SLC9A9: variants seen among roughly 807,000 people sequenced by gnomAD.
SLC9A9 encodes solute carrier family 9 member A9.
A neutral mutation model predicts 77.8 loss-of-function variants in SLC9A9; 62 were observed. The ratio of observed to expected loss-of-function variants is 0.80; its 90% CI spans 0.65 to 0.98. The LOEUF (loss-of-function observed/expected upper bound fraction) is 0.98, where lower values mean the gene tolerates loss of function less well. SLC9A9 is among the 50% of genes least tolerant of loss of function. SLC9A9 has a pLI of 0.00. For synonymous variants in SLC9A9, 320 were observed against 283.5 expected (o/e 1.13, Z -1.29); for missense variants, 775 against 774.9 (o/e 1.00, Z 0.00).
intron 6 of SLC9A9, among the ~76,000 whole-genome samples, chr3:143,592,777 G>A (rs147558415): frequency 1.3e-5 from 2 of 152,240 alleles, no homozygotes; most frequent in African/African-American, 4.8e-5. Context: ...CACCATCCCT[G>A]CCACCATCAC....
chr3:143,387,192 A>T (rs1251612094), intron 12 of SLC9A9, among the ~76,000 whole-genome samples: 1 of 152,176 alleles, frequency 6.6e-6, no homozygotes, highest in Non-Finnish European at 1.5e-5. Context: ...GTAATAAGGC[A>T]ACAAAGAAGG....
chr3:143,693,955 G>A (rs1158012134), intron 4 of SLC9A9, among the ~76,000 whole-genome samples: 1 of 152,084 alleles, frequency 6.6e-6, no homozygotes, highest in African/African-American at 2.4e-5. Context: ...CCACACCATG[G>A]CATGCAAATT....
chr3:143,833,993 T>C (rs1213011349), intron 1 of SLC9A9, among the ~76,000 whole-genome samples: 1 of 152,208 alleles, frequency 6.6e-6, no homozygotes, highest in African/African-American at 2.4e-5. Flanking sequence ...CCAATGGTAA[T>C]GTAGAACTAT....
chr3:143,602,389 CTTAAGATGTTCTCTCCAG>C (rs2037859757), intron 6 of SLC9A9, among the ~76,000 whole-genome samples: 1 of 152,318 alleles, frequency 6.6e-6, no homozygotes, highest in East Asian at 1.9e-4. Flanking sequence ...ACGTCCACCT[CTTAAGATGTTCTCTCCAG>C]TGAGGAAGGC....
chr3:143,323,464 G>A (rs748897621), intron 14 of SLC9A9, among the ~76,000 whole-genome samples: 4 of 152,166 alleles, frequency 2.6e-5, no homozygotes, highest in Non-Finnish European at 5.9e-5. Context: ...GAATAAGCCA[G>A]CCACAGAAAG....
At chr3:143,751,344 A>G (rs2006710081) in intron 4 of SLC9A9, among the ~76,000 whole-genome samples, 1 of 152,160 alleles carries the variant, frequency 6.6e-6, no homozygotes, top group Admixed American at 6.5e-5. Context: ...CCCTTTGAAG[A>G]TGTAGAATTT....
chr3:143,293,033 G>A (rs1435571911), intron 14 of SLC9A9, among the ~76,000 whole-genome samples: 1 of 152,220 alleles, frequency 6.6e-6, no homozygotes, highest in African/African-American at 2.4e-5. Flanking sequence ...ATTAGAGCAT[G>A]TGTAGGTATA....
chr3:143,705,763 CTT>C (rs972258179), intron 4 of SLC9A9, among the ~76,000 whole-genome samples: 3 of 152,104 alleles, frequency 2.0e-5, no homozygotes, highest in African/African-American at 7.2e-5. Flanking sequence ...TGAAGGATGA[CTT>C]TGTTTTACAG....
chr3:143,318,692 C>T (rs1017557869), intron 14 of SLC9A9, among the ~76,000 whole-genome samples: 1 of 152,156 alleles, frequency 6.6e-6, no homozygotes, highest in East Asian at 1.9e-4. Context: ...AGTGGCCATT[C>T]CTGGGCCTTT....
chr3:143,702,119 G>A (rs943555104), intron 4 of SLC9A9, among the ~76,000 whole-genome samples: 1 of 152,114 alleles, frequency 6.6e-6, no homozygotes, highest in Non-Finnish European at 1.5e-5. Flanking sequence ...ACAAACAAAA[G>A]CTGAAAAATT....
chr3:143,823,614 C>A (rs530363769), intron 2 of SLC9A9, among the ~76,000 whole-genome samples: 28 of 150,842 alleles, frequency 1.9e-4, no homozygotes, highest in Admixed American at 5.3e-4. Flanking sequence ...TTTTATGTAA[C>A]CCATAAATAT....
intron 6 of SLC9A9, among the ~76,000 whole-genome samples, chr3:143,592,873 T>C (rs1293810235): frequency 2.0e-5 from 3 of 152,140 alleles, no homozygotes; most frequent in African/African-American, 7.2e-5. Flanking sequence ...TGGCTAGATC[T>C]TCAAAAGATC....
At chr3:143,623,815 T>C (rs1490928569) in intron 6 of SLC9A9, among the ~76,000 whole-genome samples, 1 of 151,944 alleles carries the variant, frequency 6.6e-6, no homozygotes, top group Non-Finnish European at 1.5e-5. Context: ...AAAAAATCAA[T>C]GAATCCAGGA....
chr3:143,785,845 CTTT>C lies in SLC9A9; in HGVS notation c.533+9153_533+9155del, dbSNP rs57552730. Among the ~76,000 whole-genome samples, 6 of 112,992 alleles carry C rather than the reference CTTT, an allele frequency of 5.3e-5. 1 individual carries two copies. Among genetic ancestry groups the C allele is most frequent in the African/African-American group, 9.1e-5 (3 of 33,066 alleles). 74.1% of individuals were successfully genotyped at this position (112,992 alleles called of 152,430 possible). ...GAGTAATTCTAAGACTTGAATTTTT[CTTT>C]TTTTTTTTTTTTTTTTTTTTTTTTT... On this transcript the variant is annotated intron_variant, in intron 4 of 15. Coordinates refer to ENST00000316549, the MANE Select transcript of SLC9A9 (RefSeq NM_173653.4).
At chr3:143,553,067 A>G (rs1157770406) in intron 8 of SLC9A9, among the ~76,000 whole-genome samples, 1 of 152,174 alleles carries the variant, frequency 6.6e-6, no homozygotes, top group Non-Finnish European at 1.5e-5. Flanking sequence ...AAACACACCC[A>G]AGGCATTCAC....
intron 6 of SLC9A9, among the ~76,000 whole-genome samples, chr3:143,615,143 G>A (rs1012368841): frequency 1.3e-5 from 2 of 152,122 alleles, no homozygotes; most frequent in African/African-American, 4.8e-5. Flanking sequence ...AAACCTAGCA[G>A]ACCCAGAGGC....
intron 4 of SLC9A9, among the ~76,000 whole-genome samples, chr3:143,730,675 C>T (rs1267010813): frequency 1.3e-5 from 2 of 152,086 alleles, no homozygotes; most frequent in African/African-American, 4.8e-5. Flanking sequence ...GCTATAAAAG[C>T]AGGGTTTATT....
At chr3:143,373,605 TAAAAAAAA>T (rs67376157) in intron 13 of SLC9A9, among the ~76,000 whole-genome samples, 1 of 58,618 alleles carries the variant, frequency 1.7e-5, no homozygotes, top group South Asian at 6.9e-4. Flanking sequence ...ACTGAAATAG[TAAAAAAAA>T]AAAAAAAAAA....
At chr3:143,416,318 T>G (rs1231588790) in intron 12 of SLC9A9, among the ~76,000 whole-genome samples, 2 of 152,148 alleles carry the variant, frequency 1.3e-5, no homozygotes, top group African/African-American at 4.8e-5. Context: ...AAGTTCTATA[T>G]GGATAAAATT....
Sources: allele counts gnomAD v4.1 joint callset (sites outside exome capture counted in the v4.1 genomes callset), GRCh38; gene constraint gnomAD v4.1.1; transcripts MANE v1.5; gene names NCBI Gene and HGNC (gene_info 2026-07-23, HGNC 2026-07-21).